Variants in PALM2AKAP2 observed in about 807,000 individuals in gnomAD.
PALM2AKAP2 encodes PALM2 and AKAP2 fusion.
In PALM2AKAP2, 37 loss-of-function variants were observed where a neutral mutation model predicts 71.5. The ratio of observed to expected loss-of-function variants is 0.52; its 90% confidence interval spans 0.40 to 0.68. PALM2AKAP2 has a LOEUF of 0.68. Ranked by LOEUF, PALM2AKAP2 falls within the 30% of genes least tolerant of loss-of-function variation. The pLI is 0.00. For missense variants in PALM2AKAP2, 1,224 were observed against 1,191.8 expected, an observed-to-expected ratio of 1.03 and a Z score of -0.40; for synonymous variants, 468 against 478.8, an observed-to-expected ratio of 0.98 and a Z score of 0.29.
intron 1 of PALM2AKAP2, among the ~76,000 whole-genome samples, chr9:109,831,806 C>G (rs1828308034): frequency 6.6e-6 from 1 of 152,138 alleles, no homozygotes; most frequent in Non-Finnish European, 1.5e-5. Flanking sequence ...CTCTATCTTT[C>G]TGATTGCTGC....
In PALM2AKAP2 at chr9:110,032,691, A is replaced by AAAATAAAT. The variant is rs200694533; in HGVS notation, c.582+16696_582+16703dup. ...GGGTGACAGAGTGAGATTCTGTCTCAAAATAAATAAATAAATAAATAAATA... is the reference window on the plus strand; with the variant it reads ...GGGTGACAGAGTGAGATTCTGTCTCAAAATAAATAAATAAATAAATAAATAAATAAATA... On this transcript the variant is annotated intron_variant, in intron 7 of 9. Transcript: ENST00000302798. 3.5e-4 allele frequency among the ~76,000 whole-genome samples: 46 copies of AAAATAAAT among 131,474 alleles called. 1 individual carries two copies. The highest frequency in any genetic ancestry group is 4.1e-4 in the Non-Finnish European group (26 of 63,618). 86.3% of individuals were successfully genotyped at this position (131,474 alleles called of 152,430 possible). A position where few individuals can be genotyped will look rare whatever the true frequency, so the allele number is the denominator to read the frequency against.
At chr9:109,664,413 C>G (rs916183564) in intron 1 of PALM2AKAP2, among the ~76,000 whole-genome samples, 2 of 152,082 alleles carry the variant, frequency 1.3e-5, no homozygotes, top group Admixed American at 6.6e-5. Context: ...GCATTTGCTT[C>G]TCTGTAAAGG....
At chr9:109,765,190 C>T (rs1829129422) in intron 1 of PALM2AKAP2, among the ~76,000 whole-genome samples, 1 of 152,050 alleles carries the variant, frequency 6.6e-6, no homozygotes, top group South Asian at 2.1e-4. Flanking sequence ...TAAGCTCCAC[C>T]CCCAGAGATT....
intron 1 of PALM2AKAP2, among the ~76,000 whole-genome samples, chr9:109,707,535 G>T (rs1283256207): frequency 6.6e-6 from 1 of 152,106 alleles, no homozygotes; most frequent in Non-Finnish European, 1.5e-5. Flanking sequence ...GTAGTGCAAG[G>T]CATGGCCACA....
intron 6 of PALM2AKAP2, among the ~76,000 whole-genome samples, chr9:109,999,961 A>G (rs866045265): frequency 2.7e-5 from 4 of 149,760 alleles, no homozygotes; most frequent in African/African-American, 9.8e-5. Context: ...TTTTTTAAAG[A>G]CTGAAATTTT....
chr9:109,843,270 C>G (rs1272444815), intron 1 of PALM2AKAP2, among the ~76,000 whole-genome samples: 1 of 128,816 alleles, frequency 7.8e-6, no homozygotes, highest in East Asian at 2.4e-4. Flanking sequence ...CTACCGCACT[C>G]TAACCTGGGC....
chr9:110,066,762 A>G (rs1834088974), intron 1 of PALM2AKAP2, among the ~76,000 whole-genome samples: 1 of 151,840 alleles, frequency 6.6e-6, no homozygotes, highest in African/African-American at 2.4e-5. Context: ...ACTCAGTACT[A>G]AAATATAAAG....
chr9:109,963,985 T>C (rs1247789158), intron 6 of PALM2AKAP2, among the ~76,000 whole-genome samples: 1 of 152,210 alleles, frequency 6.6e-6, no homozygotes, highest in Admixed American at 6.5e-5. Flanking sequence ...AGAATCTCGC[T>C]CTGCACCACC....
chr9:109,712,005 G>A (rs1828249525), intron 1 of PALM2AKAP2, among the ~76,000 whole-genome samples: 1 of 151,372 alleles, frequency 6.6e-6, no homozygotes, highest in Admixed American at 6.6e-5. Context: ...GTGTGTGTGT[G>A]TGTGTGTGTG....
intron 6 of PALM2AKAP2, among the ~76,000 whole-genome samples, chr9:109,950,502 C>G (rs1019222120): frequency 2.0e-4 from 31 of 152,194 alleles, no homozygotes; most frequent in African/African-American, 7.5e-4. Flanking sequence ...GAAGCTCTTC[C>G]CCTACACCTG....
intron 6 of PALM2AKAP2, among the ~76,000 whole-genome samples, chr9:109,967,890 A>G (rs1204842431): frequency 9.9e-5 from 15 of 152,224 alleles, no homozygotes; most frequent in Non-Finnish European, 8.8e-5. Flanking sequence ...GACCACTTGA[A>G]GTTATTCTCC....
chr9:109,909,998 A>G (rs1830533218), intron 3 of PALM2AKAP2, among the ~76,000 whole-genome samples: 1 of 152,178 alleles, frequency 6.6e-6, no homozygotes, highest in African/African-American at 2.4e-5. Flanking sequence ...GGGGCTGCAT[A>G]GAAGCAGAGA....
chr9:109,765,010 TG>T (rs1345019164), intron 1 of PALM2AKAP2, among the ~76,000 whole-genome samples: 1 of 152,220 alleles, frequency 6.6e-6, no homozygotes, highest in African/African-American at 2.4e-5. Flanking sequence ...GCCCCATAGA[TG>T]ATGCCAAAAG....
intron 1 of PALM2AKAP2, among the ~76,000 whole-genome samples, chr9:110,110,400 G>A (rs570337596): frequency 2.6e-5 from 4 of 152,180 alleles, no homozygotes; most frequent in African/African-American, 9.6e-5. Context: ...AACCACAGTG[G>A]CACTGCTGAT....
chr9:109,925,964 T>G (rs1830947840), intron 5 of PALM2AKAP2, among the ~76,000 whole-genome samples: 1 of 152,192 alleles, frequency 6.6e-6, no homozygotes, highest in Non-Finnish European at 1.5e-5. Context: ...GCCAGCACTT[T>G]GGAAGACTGA....
At chr9:109,691,881 C>T (rs796231742) in intron 1 of PALM2AKAP2, among the ~76,000 whole-genome samples, 603 of 46,174 alleles carry the variant, frequency 0.013, 21 homozygotes, top group Admixed American at 0.031. Flanking sequence ...CACACACACA[C>T]ATATATATAT....
rs568711111 is a variant in PALM2AKAP2, at chr9:110,167,808, A to G, written c.2749-591A>G. The stretch of plus-strand genomic sequence containing the variant: ...GATGGACTGAATCCACACTGGTCCC[A>G]TTGTTTGGAATTATTTTCTGGTTTG... On this transcript the variant is annotated intron_variant, in intron 3 of 3. Coordinates refer to ENST00000374525, the Ensembl canonical transcript of PALM2AKAP2. Among the ~76,000 whole-genome samples the G allele has an allele frequency of 1.9e-4, 29 of 152,078 alleles. 1 individual carries two copies. Among genetic ancestry groups the G allele is most frequent in the Non-Finnish European group, 3.7e-4 (25 of 68,026 alleles).
chr9:110,167,478 T>TTGATG (rs58261759), intron 3 of PALM2AKAP2, among the ~76,000 whole-genome samples: 79,119 of 151,980 alleles, frequency 0.52, 21,010 homozygotes, highest in East Asian at 0.86. Context: ...TGGAATCTCT[T>TTGATG]CTTGATCAAA....
intron 6 of PALM2AKAP2, among the ~76,000 whole-genome samples, chr9:110,001,523 T>C (rs1374866097): frequency 1.3e-5 from 2 of 152,246 alleles, no homozygotes; most frequent in African/African-American, 4.8e-5. Context: ...ATATGAACTT[T>C]AAAGTAGTTT....
Sources: gnomAD v4.1 joint callset for allele counts (sites outside exome capture counted in the v4.1 genomes callset) on GRCh38, gnomAD v4.1.1 for gene constraint, MANE v1.5 for transcripts, NCBI Gene and HGNC (gene_info 2026-07-23, HGNC 2026-07-21) for gene names.